PDE4D: variants seen among roughly 807,000 people sequenced by gnomAD.
The protein encoded by PDE4D is 3',5'-cyclic-AMP phosphodiesterase 4D.
Under a neutral mutation model 87.4 loss-of-function variants are expected in PDE4D, and 24 were observed. That is an observed-to-expected ratio of 0.27 (90% confidence interval 0.20 to 0.39). PDE4D has a LOEUF of 0.39. PDE4D is among the 10% of genes least tolerant of loss of function. The pLI, the probability that PDE4D is intolerant of heterozygous loss-of-function variation, is 1.00. For synonymous variants in PDE4D, 384 were observed against 383.2 expected (o/e 1.00, Z -0.02); for missense variants, 714 against 1,041.0 (o/e 0.69, Z 4.32).
Position 59,661,299 on chromosome 5 carries a change from A to G in PDE4D, c.455+231869T>C, listed in dbSNP as rs546961546. On this transcript the variant is annotated intron_variant, in intron 1 of 14. Transcript: ENST00000340635. The stretch of plus-strand genomic sequence containing the variant: ...CTTTCTGAAGAGGGCAAATTATCAA[A>G]TGATGTTTAAAAACTCCATTACCTG... 5.3e-5 allele frequency among the ~76,000 whole-genome samples: 8 copies of G among 152,196 alleles called. No individual in the cohort carries two copies. The South Asian group carries it at 1.2e-3, about 24-fold the overall frequency.
At chr5:59,228,598 C>T (rs540331328) in intron 1 of PDE4D, among the ~76,000 whole-genome samples, 10 of 152,266 alleles carry the variant, frequency 6.6e-5, no homozygotes, top group African/African-American at 2.4e-4. Flanking sequence ...GCTACTTCTC[C>T]AGCCACCCAC....
At chr5:60,316,282 T>A (rs1755586036) in intron 1 of PDE4D, among the ~76,000 whole-genome samples, 1 of 152,202 alleles carries the variant, frequency 6.6e-6, no homozygotes, top group Non-Finnish European at 1.5e-5. Flanking sequence ...TTTGGCTCTC[T>A]GTTTGTCTGT....
chr5:59,566,381 G>T (rs1183123006), intron 1 of PDE4D, among the ~76,000 whole-genome samples: 1 of 151,982 alleles, frequency 6.6e-6, no homozygotes, highest in African/African-American at 2.4e-5. Context: ...TTCTTTTCCT[G>T]GTTAATTCTT....
chr5:60,159,321 T>G (rs943679110), intron 2 of PDE4D, among the ~76,000 whole-genome samples: 1 of 152,196 alleles, frequency 6.6e-6, no homozygotes, highest in African/African-American at 2.4e-5. Flanking sequence ...ACTTTTTTTT[T>G]TGTAAGTAGG....
At chr5:59,341,019 T>C (rs189697873) in intron 1 of PDE4D, among the ~76,000 whole-genome samples, 71 of 152,324 alleles carry the variant, frequency 4.7e-4, no homozygotes, top group Non-Finnish European at 8.1e-4. Flanking sequence ...AAACATGTAA[T>C]CATTATGAAA....
chr5:59,514,165 G>A (rs1473974851), intron 1 of PDE4D, among the ~76,000 whole-genome samples: 1 of 151,334 alleles, frequency 6.6e-6, no homozygotes, highest in Non-Finnish European at 1.5e-5. Flanking sequence ...GAGTGCAGTG[G>A]TGCGATCTCG....
intron 1 of PDE4D, among the ~76,000 whole-genome samples, chr5:59,793,785 A>G (rs1766101122): frequency 6.6e-6 from 1 of 152,210 alleles, no homozygotes; most frequent in African/African-American, 2.4e-5. Context: ...TATATATGAA[A>G]TGGCTTTTTT....
chr5:59,726,900 C>G (rs916670809), intron 1 of PDE4D, among the ~76,000 whole-genome samples: 5 of 151,960 alleles, frequency 3.3e-5, no homozygotes, highest in Admixed American at 6.6e-5. Flanking sequence ...TAGTTTAACT[C>G]ATTGATCATT....
intron 5 of PDE4D, among the ~76,000 whole-genome samples, chr5:59,180,210 T>C (rs552397370): frequency 6.6e-6 from 1 of 152,340 alleles, no homozygotes; most frequent in Non-Finnish European, 1.5e-5. Context: ...ACTCCTTTTA[T>C]TTATGCCTTC....
Position 59,598,253 on chromosome 5 carries a change from C to A in PDE4D, c.455+294915G>T, listed in dbSNP as rs577335995. ...TAAAATTTTCCACAAAATAAAGTAG[C>A]AAACCTGATCAAATAGTAAATTCAT... On this transcript the variant is annotated intron_variant, in intron 1 of 14. Coordinates refer to ENST00000340635, the MANE Select transcript of PDE4D (RefSeq NM_001104631.2). 3.3e-5 allele frequency among the ~76,000 whole-genome samples: 5 copies of A among 152,200 alleles called. No homozygotes were observed. In the South Asian group the frequency reaches 1.0e-3, roughly 32 times the overall value.
At chr5:59,506,071 A>G (rs919181618) in intron 1 of PDE4D, among the ~76,000 whole-genome samples, 6 of 152,168 alleles carry the variant, frequency 3.9e-5, no homozygotes, top group Non-Finnish European at 8.8e-5. Context: ...GAAAGTGTAG[A>G]AGTCATGTTG....
intron 1 of PDE4D, among the ~76,000 whole-genome samples, chr5:60,283,957 C>A (rs1453265722): frequency 1.3e-5 from 2 of 151,956 alleles, no homozygotes; most frequent in South Asian, 2.1e-4. Flanking sequence ...GAGAAACCAG[C>A]TGAATGAATA....
intron 1 of PDE4D, among the ~76,000 whole-genome samples, chr5:59,737,680 C>T (rs1196768963): frequency 6.6e-6 from 1 of 151,882 alleles, no homozygotes; most frequent in Non-Finnish European, 1.5e-5. Context: ...AAAACAAGCC[C>T]ATTTAGATTT....
At chr5:60,002,341 T>C (rs1056459668) in intron 2 of PDE4D, among the ~76,000 whole-genome samples, 9 of 151,646 alleles carry the variant, frequency 5.9e-5, no homozygotes, top group Non-Finnish European at 1.2e-4. Flanking sequence ...GTAGCAAGCA[T>C]TTTAAGAATT....
At chr5:59,110,605 C>T (rs1021549069) in intron 5 of PDE4D, among the ~76,000 whole-genome samples, 10 of 152,148 alleles carry the variant, frequency 6.6e-5, no homozygotes, top group African/African-American at 2.4e-4. Context: ...AGCACCGTGG[C>T]TCATGCCTGT....
At chr5:59,712,271 T>G (rs1426007145) in intron 1 of PDE4D, among the ~76,000 whole-genome samples, 1 of 151,500 alleles carries the variant, frequency 6.6e-6, no homozygotes, top group Non-Finnish European at 1.5e-5. Context: ...CATAATATTT[T>G]TCTAACCTTA....
intron 1 of PDE4D, among the ~76,000 whole-genome samples, chr5:60,365,712 TC>T (rs1279605848): frequency 6.6e-6 from 1 of 152,116 alleles, no homozygotes; most frequent in African/African-American, 2.4e-5. Flanking sequence ...ATTAACCAAA[TC>T]AAACAACAGA....
At chr5:59,959,609 G>A (rs1759242406) in intron 3 of PDE4D, among the ~76,000 whole-genome samples, 1 of 152,136 alleles carries the variant, frequency 6.6e-6, no homozygotes, top group African/African-American at 2.4e-5. Flanking sequence ...AAGCAGGGGG[G>A]AAGGGACTCC....
At chr5:60,056,817 C>A (rs1288665068) in intron 2 of PDE4D, among the ~76,000 whole-genome samples, 1 of 151,958 alleles carries the variant, frequency 6.6e-6, no homozygotes, top group Non-Finnish European at 1.5e-5. Context: ...AGCACGTGCA[C>A]AAGTATGCAA....
Sources: gnomAD v4.1 joint callset for allele counts (sites outside exome capture counted in the v4.1 genomes callset) on GRCh38, gnomAD v4.1.1 for gene constraint, MANE v1.5 for transcripts, NCBI Gene and HGNC (gene_info 2026-07-23, HGNC 2026-07-21) for gene names.